Variants in SLC2A9 observed in about 807,000 individuals in gnomAD.
SLC2A9 encodes solute carrier family 2, facilitated glucose transporter member 9.
SLC2A9 carries 39 observed loss-of-function variants against 50.6 expected under a neutral mutation model. That is an observed-to-expected ratio of 0.77 (90% CI 0.60 to 1.01). The LOEUF (loss-of-function observed/expected upper bound fraction) is 1.01, where lower values mean the gene tolerates loss of function less well. SLC2A9 is among the 50% of genes least tolerant of loss of function. The pLI is 0.00. For synonymous variants in SLC2A9, 324 were observed against 276.9 expected, an observed-to-expected ratio of 1.17 and a Z score of -1.69; for missense variants, 686 against 677.6, an observed-to-expected ratio of 1.01 and a Z score of -0.14.
chr4:9,888,478 G>A (rs1024551042), intron 9 of SLC2A9, among the ~76,000 whole-genome samples: 1 of 152,034 alleles, frequency 6.6e-6, no homozygotes, highest in African/African-American at 2.4e-5. Context: ...CGGGGGGTGG[G>A]TGGCTTGGTG....
chr4:9,884,840 T>C (rs1372004172), intron 10 of SLC2A9, among the ~76,000 whole-genome samples: 1 of 152,086 alleles, frequency 6.6e-6, no homozygotes, highest in Admixed American at 6.5e-5. Context: ...TACACAGCCA[T>C]GAGAAGGAAC....
intron 3 of SLC2A9, among the ~76,000 whole-genome samples, chr4:9,989,431 C>T (rs79590220): frequency 6.6e-6 from 1 of 152,238 alleles, no homozygotes; most frequent in Non-Finnish European, 1.5e-5. Flanking sequence ...TTCAAATCCC[C>T]TTTTTATCAT....
chr4:10,005,222 C>T (rs1003713437), intron 2 of SLC2A9, among the ~76,000 whole-genome samples: 1 of 152,202 alleles, frequency 6.6e-6, no homozygotes, highest in African/African-American at 2.4e-5. Flanking sequence ...CCAAGTCAAG[C>T]AAGCAAGAAG....
intron 9 of SLC2A9, among the ~76,000 whole-genome samples, chr4:9,889,251 C>T (rs1736886740): frequency 6.6e-6 from 1 of 152,066 alleles, no homozygotes; most frequent in Admixed American, 6.5e-5. Context: ...CAGAAGAGCC[C>T]TAGGAGAGGA....
chr4:9,933,343 A>G (rs1746477422), intron 6 of SLC2A9, among the ~76,000 whole-genome samples: 1 of 152,186 alleles, frequency 6.6e-6, no homozygotes, highest in Non-Finnish European at 1.5e-5. Flanking sequence ...CCAGTGGCTG[A>G]GCTGGGACTG....
chr4:9,977,666 T>C (rs1755035183), intron 5 of SLC2A9, among the ~76,000 whole-genome samples: 1 of 151,408 alleles, frequency 6.6e-6, no homozygotes, highest in African/African-American at 2.4e-5. Context: ...TGCCTCTCTC[T>C]TCCTACAGAC....
chr4:9,959,432 C>G (rs1470973565), intron 5 of SLC2A9, among the ~76,000 whole-genome samples: 1 of 149,506 alleles, frequency 6.7e-6, no homozygotes, highest in Non-Finnish European at 1.5e-5. Flanking sequence ...CCTCAATCAT[C>G]AGATTGATGT....
chr4:9,808,803 C>T (rs1722468407), intron 3 of SLC2A9, among the ~76,000 whole-genome samples: 1 of 152,198 alleles, frequency 6.6e-6, no homozygotes, highest in South Asian at 2.1e-4. Flanking sequence ...AGGAATCTCT[C>T]TCCTCTGTCC....
intron 3 of SLC2A9, among the ~76,000 whole-genome samples, chr4:9,801,199 T>C (rs915730803): frequency 3.3e-5 from 5 of 151,476 alleles, no homozygotes; most frequent in Admixed American, 6.6e-5. Flanking sequence ...ACCTGGCAGG[T>C]GAGCAAAGCT....
intron 10 of SLC2A9, among the ~76,000 whole-genome samples, chr4:9,847,366 C>T (rs1191517899): frequency 7.9e-5 from 12 of 152,222 alleles, no homozygotes. Context: ...AGAACTCACT[C>T]ACTATCATGA....
intron 5 of SLC2A9, among the ~76,000 whole-genome samples, chr4:9,964,026 G>A (rs974796387): frequency 1.3e-5 from 2 of 152,140 alleles, no homozygotes; most frequent in African/African-American, 4.8e-5. Context: ...CAGGTCATAC[G>A]GACCTGGCAC....
intron 5 of SLC2A9, among the ~76,000 whole-genome samples, chr4:9,963,149 A>G (rs1752535058): frequency 6.6e-6 from 1 of 152,206 alleles, no homozygotes; most frequent in African/African-American, 2.4e-5. Context: ...CAATGGTGGC[A>G]GGCAAGAGAG....
intron 10 of SLC2A9, among the ~76,000 whole-genome samples, chr4:9,875,818 C>T (rs1166346477): frequency 6.6e-6 from 1 of 152,170 alleles, no homozygotes; most frequent in Non-Finnish European, 1.5e-5. Context: ...TCTTATTCCT[C>T]TTTGTGCTCC....
intron 11 of SLC2A9, 86 bp from the exon 12 acceptor site, chr4:9,826,686 C>A: frequency 8.0e-7 from 1 of 1,257,468 alleles, no homozygotes; most frequent in Non-Finnish European, 1.1e-6. Context: ...TTTAAGATAG[C>A]TCCACATTCA....
chr4:9,956,469 G>A (rs139721393), intron 5 of SLC2A9, among the ~76,000 whole-genome samples: 29 of 152,014 alleles, frequency 1.9e-4, no homozygotes, highest in African/African-American at 6.3e-4. Flanking sequence ...AACAGAGCAA[G>A]ACTCCATCTC....
chr4:9,950,016 T>C (rs1371226326), intron 5 of SLC2A9, among the ~76,000 whole-genome samples: 1 of 152,180 alleles, frequency 6.6e-6, no homozygotes, highest in Non-Finnish European at 1.5e-5. Context: ...GCCACAGCTT[T>C]ACTGAATCCT....
chr4:9,955,069 A>T (rs1390614497), intron 5 of SLC2A9, among the ~76,000 whole-genome samples: 1 of 152,212 alleles, frequency 6.6e-6, no homozygotes, highest in African/African-American at 2.4e-5. Flanking sequence ...CAGCATGTGC[A>T]CAACGTCAGT....
At chr4:10,024,557 C>T (rs900478091), upstream of SLC2A9, among the ~76,000 whole-genome samples, 2 of 152,216 alleles carry the variant, frequency 1.3e-5, no homozygotes, top group African/African-American at 2.4e-5. Flanking sequence ...TGAGCTTGGA[C>T]TTCTGGTTTC....
chr4:9,824,371 A>C (rs1002385059), downstream of SLC2A9, among the ~76,000 whole-genome samples: 2 of 152,218 alleles, frequency 1.3e-5, no homozygotes, highest in Admixed American at 6.5e-5. Context: ...TGTTATAAGC[A>C]GTAGAAAATG....
Sources: allele counts gnomAD v4.1 joint callset (sites outside exome capture counted in the v4.1 genomes callset), GRCh38; gene constraint gnomAD v4.1.1; transcripts MANE v1.5; gene names NCBI Gene and HGNC (gene_info 2026-07-23, HGNC 2026-07-21).